NTN1: variants seen among roughly 807,000 people sequenced by gnomAD.
NTN1 encodes netrin-1.
A neutral mutation model predicts 54.2 loss-of-function variants in NTN1; 11 were observed. That is an observed-to-expected ratio of 0.20 (90% confidence interval 0.13 to 0.34). The LOEUF (loss-of-function observed/expected upper bound fraction) is 0.34, where lower values mean the gene tolerates loss of function less well. Ranked by LOEUF, NTN1 falls within the 10% of genes least tolerant of loss-of-function variation. The pLI, the probability that NTN1 is intolerant of heterozygous loss-of-function variation, is 1.00. For missense variants in NTN1, 740 were observed against 893.1 expected, an observed-to-expected ratio of 0.83 and a Z score of 2.18; for synonymous variants, 371 against 382.0, an observed-to-expected ratio of 0.97 and a Z score of 0.33.
chr17:9,023,521 G>T (rs1012578373), intron 2 of NTN1, 130 bp downstream of exon 2: 6 of 1,144,806 alleles, frequency 5.2e-6, no homozygotes, highest in Admixed American at 4.1e-5. Flanking sequence ...CGATGCCCGG[G>T]ACCCGGGAGG....
intron 3 of NTN1, among the ~76,000 whole-genome samples, chr17:9,170,516 A>T (rs1366048098): frequency 2.0e-5 from 3 of 152,220 alleles, no homozygotes; most frequent in Non-Finnish European, 4.4e-5. Context: ...AGGACTGGGC[A>T]GGGCCCCAGG....
At chr17:9,042,295 T>C (rs1256461610) in intron 2 of NTN1, among the ~76,000 whole-genome samples, 1 of 152,150 alleles carries the variant, frequency 6.6e-6, no homozygotes, top group African/African-American at 2.4e-5. Context: ...TTTACTAACA[T>C]TTTATTTTAG....
At chr17:9,071,572 G>C (rs976096596) in intron 2 of NTN1, among the ~76,000 whole-genome samples, 2 of 152,160 alleles carry the variant, frequency 1.3e-5, no homozygotes, top group East Asian at 1.9e-4. Context: ...GTCATGCCTG[G>C]TGGAAGCCAA....
chr17:9,160,337 C>G (rs1441715621), intron 2 of NTN1, among the ~76,000 whole-genome samples: 1 of 151,980 alleles, frequency 6.6e-6, no homozygotes, highest in Non-Finnish European at 1.5e-5. Context: ...ACTCCTGGCT[C>G]CAAGAGATCT....
intron 2 of NTN1, among the ~76,000 whole-genome samples, chr17:9,108,958 C>T (rs1020680196): frequency 4.0e-5 from 6 of 151,536 alleles, no homozygotes; most frequent in African/African-American, 1.5e-4. Flanking sequence ...CTCACTGCAA[C>T]CTCTGCCTCC....
chr17:9,161,553 GAAGGTCAC>G (rs1303118671), intron 2 of NTN1, among the ~76,000 whole-genome samples: 2 of 152,156 alleles, frequency 1.3e-5, no homozygotes, highest in African/African-American at 4.8e-5. Flanking sequence ...GCTGAGGTGG[GAAGGTCAC>G]AAGGTCAGGA....
At chr17:9,100,217 T>C (rs2092145508) in intron 2 of NTN1, among the ~76,000 whole-genome samples, 1 of 152,146 alleles carries the variant, frequency 6.6e-6, no homozygotes, top group Admixed American at 6.6e-5. Context: ...TATGCATAAT[T>C]TTTGTATAAT....
chr17:9,008,235 T>G, the NTN1 span, among the ~76,000 whole-genome samples: 1 of 152,204 alleles, frequency 6.6e-6, no homozygotes, highest in African/African-American at 2.4e-5. Context: ...CTGTTTGCCC[T>G]GTAGTAAGCT....
chr17:9,111,402 C>G (rs2092190125), intron 2 of NTN1, among the ~76,000 whole-genome samples: 1 of 152,168 alleles, frequency 6.6e-6, no homozygotes, highest in Non-Finnish European at 1.5e-5. Context: ...AATAGCTAGC[C>G]TAAAAGTGAA....
At chr17:9,196,687 C>T (rs913934466) in intron 5 of NTN1, among the ~76,000 whole-genome samples, 1 of 152,252 alleles carries the variant, frequency 6.6e-6, no homozygotes, top group African/African-American at 2.4e-5. Context: ...TTCCCCCCTC[C>T]AGAGAGGTCA....
chr17:9,007,228 TTTC>T, the NTN1 span, among the ~76,000 whole-genome samples: 1,121 of 151,594 alleles, frequency 7.4e-3, 6 homozygotes, highest in South Asian at 0.023. Context: ...TTTCTCTCTG[TTTC>T]TTTTCTTTCT....
intron 6 of NTN1, among the ~76,000 whole-genome samples, chr17:9,223,412 C>T (rs143480435): frequency 0.011 from 1,692 of 152,180 alleles, 35 homozygotes; most frequent in African/African-American, 0.036. Flanking sequence ...ATTAGCTGGG[C>T]GTCGTGGCGC....
intron 2 of NTN1, among the ~76,000 whole-genome samples, chr17:9,141,334 G>C (rs2092297150): frequency 6.6e-6 from 1 of 152,044 alleles, no homozygotes; most frequent in South Asian, 2.1e-4. Flanking sequence ...AGGCAGCCCT[G>C]GAGGAGGAAA....
At chr17:9,004,487 C>T in the NTN1 span, among the ~76,000 whole-genome samples, 1 of 152,242 alleles carries the variant, frequency 6.6e-6, no homozygotes, top group Non-Finnish European at 1.5e-5. Context: ...ATCCTTTGAT[C>T]CCTTCTGGAT....
At chr17:9,158,491 C>T (rs1031626191) in intron 2 of NTN1, among the ~76,000 whole-genome samples, 2 of 152,208 alleles carry the variant, frequency 1.3e-5, no homozygotes, top group African/African-American at 4.8e-5. Flanking sequence ...GGCAGGTGTT[C>T]CAGTTCCTGT....
Position 9,113,608 on chromosome 17 carries a change from T to G in NTN1, c.1019-49205T>G, listed in dbSNP as rs574498714. Among the ~76,000 whole-genome samples the G allele has an allele frequency of 5.3e-5, 8 of 152,178 alleles. No individual in the cohort carries two copies. The East Asian group carries it at 1.2e-3, about 22-fold the overall frequency. ...ACCCTCTTATTGCAGGAAGACACTT[T>G]CTTTGTGCAATCCAAGCAGACTTTG... On this transcript the variant is annotated intron_variant, in intron 2 of 6. Coordinates refer to ENST00000173229, the MANE Select transcript of NTN1 (RefSeq NM_004822.3).
intron 6 of NTN1, among the ~76,000 whole-genome samples, chr17:9,227,020 C>T (rs1214530541): frequency 6.6e-6 from 1 of 152,124 alleles, no homozygotes; most frequent in Non-Finnish European, 1.5e-5. Context: ...CTGCCTCCTC[C>T]TGTTCCCTTC....
At chr17:9,005,420 C>T in the NTN1 span, among the ~76,000 whole-genome samples, 1 of 151,828 alleles carries the variant, frequency 6.6e-6, no homozygotes, top group Non-Finnish European at 1.5e-5. Flanking sequence ...ACCGCCCCCA[C>T]CCCGACCCAA....
intron 2 of NTN1, among the ~76,000 whole-genome samples, chr17:9,073,052 G>A (rs191708020): frequency 3.2e-4 from 49 of 152,346 alleles, no homozygotes; most frequent in Non-Finnish European, 5.9e-4. Context: ...AGAAAGGGGT[G>A]GGGGGACCGT....
Sources: allele counts gnomAD v4.1 joint callset (sites outside exome capture counted in the v4.1 genomes callset), GRCh38; gene constraint gnomAD v4.1.1; transcripts MANE v1.5; gene names NCBI Gene and HGNC (gene_info 2026-07-23, HGNC 2026-07-21).